The following SRGAP3 variants were observed in gnomAD, a reference collection of about 807,000 sequenced individuals.
SRGAP3 encodes the protein SLIT-ROBO Rho GTPase activating protein 3.
In SRGAP3, 39 loss-of-function variants were observed where a neutral mutation model predicts 121.1. That is an observed-to-expected ratio of 0.32 (90% CI 0.25 to 0.42). The LOEUF is 0.42. Ranked by LOEUF, SRGAP3 falls within the 10% of genes least tolerant of loss-of-function variation. The pLI, the probability that SRGAP3 is intolerant of heterozygous loss-of-function variation, is 1.00. For synonymous variants in SRGAP3, 601 were observed against 570.0 expected, an observed-to-expected ratio of 1.05 and a Z score of -0.77; for missense variants, 1,213 against 1,470.6, an observed-to-expected ratio of 0.82 and a Z score of 2.86.
At chr3:9,265,025 T>G (rs560176798) in intron 3 of SRGAP3, among the ~76,000 whole-genome samples, 117 of 152,066 alleles carry the variant, frequency 7.7e-4, no homozygotes, top group Non-Finnish European at 1.3e-3. Flanking sequence ...TCAAAACAGA[T>G]ATATAGACCA....
At chr3:9,167,950 G>C (rs1205684945) in intron 1 of SRGAP3, among the ~76,000 whole-genome samples, 3 of 152,162 alleles carry the variant, frequency 2.0e-5, no homozygotes, top group African/African-American at 7.2e-5. Context: ...ACAAATAATG[G>C]TAGCTATAGC....
chr3:9,322,994 A>G (rs780560918), intron 3 of SRGAP3, among the ~76,000 whole-genome samples: 7 of 151,982 alleles, frequency 4.6e-5, no homozygotes, highest in Non-Finnish European at 7.3e-5. Flanking sequence ...GCAACAAAAA[A>G]GACCTAACTA....
intron 1 of SRGAP3, among the ~76,000 whole-genome samples, chr3:9,338,388 T>C (rs1955728029): frequency 6.6e-6 from 1 of 152,154 alleles, no homozygotes; most frequent in Admixed American, 6.5e-5. Context: ...ATATGTTCGG[T>C]TTAGAATCAT....
At chr3:9,185,304 T>C (rs1246310527) in intron 1 of SRGAP3, among the ~76,000 whole-genome samples, 1 of 152,118 alleles carries the variant, frequency 6.6e-6, no homozygotes, top group Non-Finnish European at 1.5e-5. Flanking sequence ...ATCCCTTACC[T>C]ACCTGGCGAG....
intron 1 of SRGAP3, among the ~76,000 whole-genome samples, chr3:9,165,465 C>G (rs996748791): frequency 6.6e-6 from 1 of 152,248 alleles, no homozygotes; most frequent in Non-Finnish European, 1.5e-5. Context: ...CTGGTTCTCT[C>G]AGACTTTCCG....
At chr3:9,049,144 A>G (rs1386326743) in intron 9 of SRGAP3, 1 of 302,520 alleles carries the variant, frequency 3.3e-6, no homozygotes, top group Non-Finnish European at 6.6e-6. Flanking sequence ...CAAGTCAACT[A>G]TAGAGGAGGG....
chr3:8,985,234 GCC>G lies in SRGAP3; in HGVS notation c.*283_*284del. The G allele has an allele frequency of 1.7e-5, 9 of 527,472 alleles. No individual in the cohort carries two copies. Among genetic ancestry groups the G allele is most frequent in the South Asian group, 2.3e-5 (1 of 42,796 alleles). 32.7% of individuals were successfully genotyped at this position (527,472 alleles called of 1,614,324 possible). A position where few individuals can be genotyped will look rare whatever the true frequency, so the allele number is the denominator to read the frequency against. ...TTTCCAGTGACGATATGCGGGAGAA[GCC>G]ATGTGGTATTTTGCCTCCATGTTAG... On this transcript the variant is annotated 3_prime_UTR_variant, in exon 22 of 22. Transcript: ENST00000383836. The surrounding 1 kb of genome is among the most constrained non-coding windows in gnomAD (Gnocchi z 5.1).
At chr3:9,014,055 CCAAT>C (rs1190705353) in intron 15 of SRGAP3, 16 of 622,748 alleles carry the variant, frequency 2.6e-5, no homozygotes, top group African/African-American at 2.0e-4. Context: ...TAATCAAGAA[CCAAT>C]CAGAGTCGAC....
At chr3:9,038,522 G>C (rs1944877027) in intron 10 of SRGAP3, among the ~76,000 whole-genome samples, 1 of 152,250 alleles carries the variant, frequency 6.6e-6, no homozygotes, top group South Asian at 2.1e-4. Flanking sequence ...CTCCTGCAAT[G>C]TTTAATGGCA....
chr3:9,346,899 G>C (rs932802106), intron 1 of SRGAP3, among the ~76,000 whole-genome samples: 2 of 151,858 alleles, frequency 1.3e-5, no homozygotes, highest in African/African-American at 4.8e-5. Flanking sequence ...GGGATTACAG[G>C]CGCCTGCCAC....
At position 9,249,640 on chromosome 3, in the gene SRGAP3, C is replaced by T. The variant is rs1953950682; in HGVS notation, c.-689G>A. Reference sequence around the variant, plus strand: ...CGCTTAAGCTCCGGTGAACACAAGGCTGGACTGCTCGCCCTGCAGGGCTGG... The same window carrying T: ...CGCTTAAGCTCCGGTGAACACAAGGTTGGACTGCTCGCCCTGCAGGGCTGG... On this transcript the variant is annotated 5_prime_UTR_variant, in exon 1 of 22. Transcript: ENST00000383836. 4.2e-6 allele frequency: 1 copy of T among 235,594 alleles called. No homozygotes were observed. Among genetic ancestry groups the T allele is most frequent in the Non-Finnish European group, 8.4e-6 (1 of 119,268 alleles). 14.6% of individuals were successfully genotyped at this position (235,594 alleles called of 1,614,324 possible). A position where few individuals can be genotyped will look rare whatever the true frequency, so the allele number is the denominator to read the frequency against.
rs917450088 is a variant in SRGAP3 at position 9,086,486 on chromosome 3, T to C, written c.424-6399A>G. ...AGGGAGCTGAGATTGTGCCACTGCA[T>C]TCCAGCCTGGGTGACAGAATGAGAC... On this transcript the variant is annotated intron_variant, in intron 3 of 21. Transcript: ENST00000383836. 1.3e-4 allele frequency among the ~76,000 whole-genome samples: 18 copies of C among 143,286 alleles called. 1 individual carries two copies. The allele number at this position is 143,286 out of a possible 152,430, so 94.0% of individuals were successfully genotyped here.
At chr3:9,139,869 A>G (rs1242572552) in intron 1 of SRGAP3, among the ~76,000 whole-genome samples, 4 of 152,180 alleles carry the variant, frequency 2.6e-5, no homozygotes, top group African/African-American at 9.7e-5. Context: ...CTGAGGCCTC[A>G]TGAAGCAAGA....
chr3:9,294,695 CGTGTGTGTGTGTGTGTGTGTGT>C (rs753452580), intron 3 of SRGAP3, among the ~76,000 whole-genome samples: 2 of 119,818 alleles, frequency 1.7e-5, no homozygotes, highest in Non-Finnish European at 3.5e-5. Flanking sequence ...TTGAAGCTTT[CGTGTGTGTGTGTGTGTGTGTGT>C]GTGTGTGTGT....
chr3:9,111,217 A>C (rs1948610518), intron 2 of SRGAP3, among the ~76,000 whole-genome samples: 1 of 152,222 alleles, frequency 6.6e-6, no homozygotes. Flanking sequence ...GTAGAGTTAG[A>C]AGTGCAGAAT....
chr3:9,349,281 C>A, intron 1 of SRGAP3: 1 of 474,432 alleles, frequency 2.1e-6, no homozygotes, highest in Non-Finnish European at 4.0e-6. Context: ...TCACACTGAC[C>A]ACATCTGTAG....
At chr3:9,157,927 C>T (rs1041122376) in intron 1 of SRGAP3, among the ~76,000 whole-genome samples, 1 of 152,200 alleles carries the variant, frequency 6.6e-6, no homozygotes, top group African/African-American at 2.4e-5. Context: ...GACTCAGACC[C>T]ACAAGTTTCT....
intron 1 of SRGAP3, among the ~76,000 whole-genome samples, chr3:9,136,364 CGCGCCGTT>C (rs1185902123): frequency 2.0e-5 from 3 of 151,284 alleles, no homozygotes; most frequent in African/African-American, 7.3e-5. Flanking sequence ...TCAGCCGCCG[CGCGCCGTT>C]GCCACGGCAA....
intron 1 of SRGAP3, among the ~76,000 whole-genome samples, chr3:9,232,922 T>G (rs1352353480): frequency 1.4e-4 from 21 of 152,212 alleles, no homozygotes; most frequent in Admixed American, 1.4e-3. Flanking sequence ...TAGTATTTTC[T>G]TTTCCCAGCT....
Sources: allele counts gnomAD v4.1 joint callset (sites outside exome capture counted in the v4.1 genomes callset), GRCh38; gene constraint gnomAD v4.1.1; non-coding constraint Gnocchi (gnomAD v3.1); transcripts MANE v1.5; gene names NCBI Gene and HGNC (gene_info 2026-07-23, HGNC 2026-07-21).